Variants in DGLUCY observed in about 807,000 individuals in gnomAD.
DGLUCY encodes D-glutamate cyclase, mitochondrial.
In DGLUCY, 58 loss-of-function variants were observed where a neutral mutation model predicts 58.5. The ratio of observed to expected loss-of-function variants is 0.99; its 90% confidence interval spans 0.80 to 1.23. DGLUCY has a LOEUF of 1.23. Among genes scored for constraint, DGLUCY ranks in the 50% most tolerant of loss-of-function variants. The pLI, the probability that DGLUCY is intolerant of heterozygous loss-of-function variation, is 0.00. For synonymous variants in DGLUCY, 325 were observed against 314.1 expected (o/e 1.03, Z -0.37); for missense variants, 779 against 784.7 (o/e 0.99, Z 0.09).
At chr14:91,178,213 C>T (rs2048974528) in intron 7 of DGLUCY, among the ~76,000 whole-genome samples, 2 of 151,988 alleles carry the variant, frequency 1.3e-5, no homozygotes, top group Admixed American at 1.3e-4. Context: ...GTCACCCAGG[C>T]TGAGTGCAGT....
chr14:91,160,717 C>G (rs934642178), intron 3 of DGLUCY, among the ~76,000 whole-genome samples: 5 of 152,086 alleles, frequency 3.3e-5, no homozygotes, highest in Non-Finnish European at 4.4e-5. Context: ...GAAAAGTGCC[C>G]CCAGGTTACA....
chr14:91,140,542 A>T (rs1365578672), intron 1 of DGLUCY, among the ~76,000 whole-genome samples: 1 of 152,158 alleles, frequency 6.6e-6, no homozygotes, highest in Non-Finnish European at 1.5e-5. Flanking sequence ...ATGATGGCAC[A>T]TGCCTGTAAT....
At chr14:91,204,879 G>A (rs1884278451) in intron 12 of DGLUCY, 54 bp downstream of exon 12, 1 of 1,610,154 alleles carries the variant, frequency 6.2e-7, no homozygotes, top group Non-Finnish European at 8.5e-7. Context: ...TGAGCGACCT[G>A]GCTTGGAGCC....
intron 9 of DGLUCY, among the ~76,000 whole-genome samples, chr14:91,194,502 G>A (rs138645610): frequency 6.6e-6 from 1 of 151,832 alleles, no homozygotes; most frequent in African/African-American, 2.4e-5. Context: ...TGTGGGCTGA[G>A]GTTAGGGAGG....
At chr14:91,068,079 GCACACACACACACACACACA>G (rs57428509) in intron 1 of DGLUCY, among the ~76,000 whole-genome samples, 1 of 146,340 alleles carries the variant, frequency 6.8e-6, no homozygotes. Context: ...ACACGCGCAC[GCACACACACACACACACACA>G]CACACACACA....
intron 1 of DGLUCY, among the ~76,000 whole-genome samples, chr14:91,155,858 C>T (rs1347016676): frequency 6.6e-6 from 1 of 151,770 alleles, no homozygotes; most frequent in Non-Finnish European, 1.5e-5. Context: ...TCCATCAGGG[C>T]CACCCCAAGG....
At chr14:91,212,576 C>T (rs1157398257) in intron 12 of DGLUCY, among the ~76,000 whole-genome samples, 5 of 152,182 alleles carry the variant, frequency 3.3e-5, no homozygotes, top group Middle Eastern at 3.2e-3. Context: ...GTGGCTCATG[C>T]CTGTAATCCC....
chr14:91,153,374 G>C (rs542139698), intron 1 of DGLUCY, among the ~76,000 whole-genome samples: 1 of 152,072 alleles, frequency 6.6e-6, no homozygotes, highest in Non-Finnish European at 1.5e-5. Context: ...GTAGAGACAG[G>C]GTTTCACCAT....
intron 1 of DGLUCY, among the ~76,000 whole-genome samples, chr14:91,121,795 AG>A (rs923540298): frequency 6.6e-6 from 1 of 152,138 alleles, no homozygotes; most frequent in Non-Finnish European, 1.5e-5. Flanking sequence ...GGGATAGAGC[AG>A]GGGGAAAAAA....
intron 1 of DGLUCY, among the ~76,000 whole-genome samples, chr14:91,122,510 CTG>C (rs1566950719): frequency 1.3e-5 from 2 of 151,348 alleles, no homozygotes; most frequent in Admixed American, 6.6e-5. Context: ...TTGCATATCA[CTG>C]TGAGTGTATT....
intron 6 of DGLUCY, among the ~76,000 whole-genome samples, chr14:91,174,594 C>T (rs1397688552): frequency 2.0e-5 from 3 of 152,220 alleles, no homozygotes; most frequent in African/African-American, 7.2e-5. Context: ...GTATGAGCCA[C>T]CGCACCCGGT....
intron 1 of DGLUCY, among the ~76,000 whole-genome samples, chr14:91,118,996 A>G (rs948277158): frequency 2.6e-5 from 4 of 152,080 alleles, no homozygotes; most frequent in Admixed American, 2.0e-4. Context: ...TTATACTACT[A>G]CTACTAAAAT....
chr14:91,089,357 G>A lies in DGLUCY; in HGVS notation c.-82+28653G>A, dbSNP rs867903269. Among the ~76,000 whole-genome samples the A allele has an allele frequency of 4.6e-5, 7 of 152,312 alleles. 1 individual carries two copies. The highest frequency in any genetic ancestry group is 2.1e-4 in the South Asian group (1 of 4,828). On this transcript the variant is annotated intron_variant, in intron 1 of 4. Transcript: ENST00000521334. ...CAGGGCAGAAAGAAGCAGGAGAGAC[G>A]GTGAGGGACCCCTCAGGGGAGTCTC...
upstream of DGLUCY, among the ~76,000 whole-genome samples, chr14:91,105,186 A>C (rs1198355005): frequency 2.0e-5 from 3 of 152,026 alleles, no homozygotes; most frequent in Non-Finnish European, 4.4e-5. Context: ...ATGGTGGTGC[A>C]TGCCTGTAAT....
upstream of DGLUCY, among the ~76,000 whole-genome samples, chr14:91,113,526 C>T (rs984511115): frequency 6.6e-6 from 1 of 152,172 alleles, no homozygotes; most frequent in African/African-American, 2.4e-5. Flanking sequence ...GTCAGAGCAG[C>T]CAAGCAAGAT....
chr14:91,111,932 C>G (rs2044708543), upstream of DGLUCY, among the ~76,000 whole-genome samples: 1 of 152,172 alleles, frequency 6.6e-6, no homozygotes, highest in Non-Finnish European at 1.5e-5. Flanking sequence ...CACCTTTTGG[C>G]TCTTGTCTAA....
At chr14:91,086,625 A>C (rs2044225521) in intron 1 of DGLUCY, among the ~76,000 whole-genome samples, 2 of 152,224 alleles carry the variant, frequency 1.3e-5, no homozygotes, top group Admixed American at 1.3e-4. Context: ...CAGTTGGTTG[A>C]ATCCACAGAG....
At position 91,060,354 on chromosome 14, in the gene DGLUCY, A is replaced by T. The variant is rs750709594; in HGVS notation, c.-432A>T. 156 of 1,469,872 alleles carry T rather than the reference A, an allele frequency of 1.1e-4. 1 individual carries two copies. The highest frequency in any genetic ancestry group is 1.4e-4 in the Non-Finnish European group (152 of 1,102,860). The allele number at this position is 1,469,872 out of a possible 1,614,324, so 91.1% of individuals were successfully genotyped here. On this transcript the variant is annotated 5_prime_UTR_variant, in exon 1 of 5. Coordinates refer to the DGLUCY transcript ENST00000521334. ...CACCAGTCCGCAGCTCGTGCTTGACAGTGAGGAGCTGCTCTCCTCCGTCGC... is the reference window on the plus strand; with the variant it reads ...CACCAGTCCGCAGCTCGTGCTTGACTGTGAGGAGCTGCTCTCCTCCGTCGC...
At chr14:91,110,556 T>G (rs573431453), upstream of DGLUCY, among the ~76,000 whole-genome samples, 1 of 151,504 alleles carries the variant, frequency 6.6e-6, no homozygotes, top group South Asian at 2.1e-4. Context: ...TCAGCCTCCC[T>G]GGTAGCTGGG....
Sources: allele counts gnomAD v4.1 joint callset (sites outside exome capture counted in the v4.1 genomes callset), GRCh38; gene constraint gnomAD v4.1.1; transcripts MANE v1.5; gene names NCBI Gene and HGNC (gene_info 2026-07-23, HGNC 2026-07-21).